Variants in SIPA1L1 observed in about 807,000 individuals in gnomAD.
The protein encoded by SIPA1L1 is signal-induced proliferation-associated 1-like protein 1.
SIPA1L1 carries 26 observed loss-of-function variants against 162.7 expected under a neutral mutation model. The observed-to-expected ratio is 0.16, with a 90% CI of 0.12 to 0.22. The LOEUF (loss-of-function observed/expected upper bound fraction) is 0.22, where lower values mean the gene tolerates loss of function less well. Ranked by LOEUF, SIPA1L1 falls within the 10% of genes least tolerant of loss-of-function variation. The pLI is 1.00. For synonymous variants in SIPA1L1, 829 were observed against 837.4 expected (o/e 0.99, Z 0.17); for missense variants, 1,874 against 2,241.0 (o/e 0.84, Z 3.31).
intron 2 of SIPA1L1, among the ~76,000 whole-genome samples, chr14:71,325,812 G>T (rs7160988): frequency 6.6e-6 from 1 of 152,108 alleles, no homozygotes; most frequent in African/African-American, 2.4e-5. Flanking sequence ...TTGTCATGTT[G>T]CACTAAGTTC....
chr14:71,344,469 T>C (rs1286171087), intron 2 of SIPA1L1, among the ~76,000 whole-genome samples: 1 of 152,164 alleles, frequency 6.6e-6, no homozygotes, highest in African/African-American at 2.4e-5. Context: ...GCCTGACATA[T>C]AGTAGATGTC....
chr14:71,676,853 C>T (rs554217225), intron 12 of SIPA1L1, among the ~76,000 whole-genome samples: 1 of 152,262 alleles, frequency 6.6e-6, no homozygotes, highest in South Asian at 2.1e-4. Flanking sequence ...ACATGTGCCA[C>T]ATTTTCTTAA....
At chr14:71,679,631 C>A (rs550190717) in intron 12 of SIPA1L1, among the ~76,000 whole-genome samples, 47 of 152,190 alleles carry the variant, frequency 3.1e-4, no homozygotes, top group Admixed American at 1.6e-3. Flanking sequence ...TTAAAAGACA[C>A]AGACTGGCAA....
At chr14:71,455,670 T>TCATCCTGTG (rs1488674551) in intron 2 of SIPA1L1, among the ~76,000 whole-genome samples, 3 of 152,346 alleles carry the variant, frequency 2.0e-5, no homozygotes, top group Non-Finnish European at 4.4e-5. Context: ...ATCTTTAAAA[T>TCATCCTGTG]CATCCTGTGA....
chr14:71,641,525 A>G (rs1214508337), intron 7 of SIPA1L1, among the ~76,000 whole-genome samples: 1 of 152,190 alleles, frequency 6.6e-6, no homozygotes, highest in African/African-American at 2.4e-5. Context: ...GATCGAGACC[A>G]TCCTGGCTAA....
At chr14:71,738,156 CAG>C in intron 22 of SIPA1L1, 83 bp from the exon 23 acceptor site, 1 of 693,606 alleles carries the variant, frequency 1.4e-6, no homozygotes, top group Non-Finnish European at 2.3e-6. Flanking sequence ...ACAGCCTCCT[CAG>C]AGTAAAAAAA....
At chr14:71,647,842 C>A (rs2042301584) in intron 7 of SIPA1L1, among the ~76,000 whole-genome samples, 1 of 152,184 alleles carries the variant, frequency 6.6e-6, no homozygotes. Flanking sequence ...CCATTAGAAG[C>A]AGGCCCGCTA....
chr14:71,674,008 C>T (rs574332097), intron 12 of SIPA1L1, among the ~76,000 whole-genome samples: 2 of 152,320 alleles, frequency 1.3e-5, no homozygotes, highest in Non-Finnish European at 2.9e-5. Flanking sequence ...TGCTGCATTC[C>T]TTGTCTTGTC....
intron 2 of SIPA1L1, among the ~76,000 whole-genome samples, chr14:71,498,897 A>G (rs2049989418): frequency 6.6e-6 from 1 of 152,178 alleles, no homozygotes; most frequent in Non-Finnish European, 1.5e-5. Context: ...TGTTCTTTAC[A>G]AGGCTTATAT....
In SIPA1L1 at chr14:71,685,367, G is replaced by T. The variant is rs1439993221; in HGVS notation, c.3110G>T (p.Cys1037Phe). Residue 1037 changes from cysteine (C) to phenylalanine (F), a missense_variant, in exon 13 of 24, where the codon TGC (cysteine) becomes TTC (phenylalanine). Coordinates refer to ENST00000381232, the MANE Select transcript of SIPA1L1 (RefSeq NM_001386936.1). ...PHDDCTPRRS[C>F]SETYRMPVME... is the part of the protein sequence containing the mutation. Reference sequence around the variant, plus strand: ...CTGTGCCTTGCCCCTAATAGGAGTTGCTCTGAAACCTACCGCATGCCAGTG... The same window carrying T: ...CTGTGCCTTGCCCCTAATAGGAGTTTCTCTGAAACCTACCGCATGCCAGTG... 6.2e-7 allele frequency: 1 copy of T among 1,614,050 alleles called. No homozygotes were observed. The highest frequency in any genetic ancestry group is 8.5e-7 in the Non-Finnish European group (1 of 1,179,970).
At chr14:71,372,958 T>A (rs187951607) in intron 2 of SIPA1L1, among the ~76,000 whole-genome samples, 43 of 152,266 alleles carry the variant, frequency 2.8e-4, no homozygotes, top group Non-Finnish European at 4.0e-4. Flanking sequence ...GAACTGTGGA[T>A]AGTATTTTAG....
At position 71,391,583 on chromosome 14, in the gene SIPA1L1, C is replaced by T. The variant is rs1453444856; in HGVS notation, c.-465+70402C>T. 3.3e-5 allele frequency among the ~76,000 whole-genome samples: 5 copies of T among 152,120 alleles called. No individual in the cohort carries two copies. The South Asian group carries it at 8.3e-4, about 25-fold the overall frequency. On this transcript the variant is annotated intron_variant, in intron 2 of 23. Coordinates refer to ENST00000381232, the MANE Select transcript of SIPA1L1 (RefSeq NM_001386936.1). ...ATTTGACAACAGATTTAAAATGATC[C>T]AGGTCCTGTAGTTCTGTAAAGGTCA...
chr14:71,464,642 AAAAAC>A (rs143695589), intron 2 of SIPA1L1, among the ~76,000 whole-genome samples: 7,841 of 152,016 alleles, frequency 0.052, 402 homozygotes, highest in African/African-American at 0.12. Context: ...CTCCATCTCA[AAAAAC>A]AAAACAAAAC....
At chr14:71,354,909 C>T (rs920717959) in intron 2 of SIPA1L1, among the ~76,000 whole-genome samples, 2 of 152,114 alleles carry the variant, frequency 1.3e-5, no homozygotes, top group African/African-American at 4.8e-5. Flanking sequence ...TGAGGTACTG[C>T]GATGACAAAG....
At position 71,604,654 on chromosome 14, in the gene SIPA1L1, G is replaced by A. The variant is rs138823156; in HGVS notation, c.1499-14103G>A. Among the ~76,000 whole-genome samples the A allele has an allele frequency of 9.2e-5, 14 of 152,236 alleles. No individual in the cohort carries two copies. The East Asian group carries it at 2.7e-3, about 29-fold the overall frequency. On this transcript the variant is annotated intron_variant, in intron 5 of 23. Transcript: ENST00000381232. ...TGAAGGATAACTGCTGAGTATAGTA[G>A]CCTTGGCTGACAGGTTTATTTATTT...
At chr14:71,604,310 TTA>T (rs951499696) in intron 5 of SIPA1L1, among the ~76,000 whole-genome samples, 11 of 152,096 alleles carry the variant, frequency 7.2e-5, no homozygotes, top group Non-Finnish European at 2.9e-5. Flanking sequence ...GCTAATTTTT[TTA>T]AAAATTTGTT....
At chr14:71,601,848 T>C (rs377536238) in intron 5 of SIPA1L1, among the ~76,000 whole-genome samples, 3 of 152,144 alleles carry the variant, frequency 2.0e-5, no homozygotes, top group African/African-American at 7.2e-5. Context: ...CCATTTCCTG[T>C]ACGTTTTTTA....
chr14:71,395,536 G>T (rs1268636121), intron 2 of SIPA1L1, among the ~76,000 whole-genome samples: 1 of 152,142 alleles, frequency 6.6e-6, no homozygotes, highest in Non-Finnish European at 1.5e-5. Context: ...AGTAGGACTT[G>T]CCTGTAGTCC....
At chr14:71,608,196 T>A (rs2037755302) in intron 5 of SIPA1L1, among the ~76,000 whole-genome samples, 2 of 152,210 alleles carry the variant, frequency 1.3e-5, no homozygotes, top group African/African-American at 4.8e-5. Flanking sequence ...TCTCTAGGAC[T>A]CATGTGAACA....
Sources: gnomAD v4.1 joint callset for allele counts (sites outside exome capture counted in the v4.1 genomes callset) on GRCh38, gnomAD v4.1.1 for gene constraint, MANE v1.5 for transcripts, NCBI Gene and HGNC (gene_info 2026-07-23, HGNC 2026-07-21) for gene names.